The following PLEC variants were observed in gnomAD, a reference collection of about 807,000 sequenced individuals.
PLEC encodes the protein plectin, also known as hemidesmosomal protein 1.
Under a neutral mutation model 392.8 loss-of-function variants are expected in PLEC, and 216 were observed. The ratio of observed to expected loss-of-function variants is 0.55; its 90% CI spans 0.49 to 0.62. The LOEUF is 0.62. PLEC is among the 20% of genes least tolerant of loss of function. The pLI is 0.00. For synonymous variants in PLEC, 3,621 were observed against 2,980.6 expected (o/e 1.21, Z -7.00); for missense variants, 6,863 against 6,563.4 (o/e 1.05, Z -1.58).
upstream of PLEC, among the ~76,000 whole-genome samples, chr8:143,944,277 G>A (rs1286260433): frequency 6.6e-6 from 1 of 152,112 alleles, no homozygotes; most frequent in African/African-American, 2.4e-5. Flanking sequence ...CGCGGCCTCG[G>A]CACACACCCT....
At chr8:143,943,638 G>C, upstream of PLEC, 1 of 773,482 alleles carries the variant, frequency 1.3e-6, no homozygotes, top group Non-Finnish European at 2.2e-6. Context: ...CTACACTGCA[G>C]GGTGGGGTGG....
At chr8:143,963,496 G>T (rs1832955625) in intron 1 of PLEC, among the ~76,000 whole-genome samples, 1 of 152,194 alleles carries the variant, frequency 6.6e-6, no homozygotes, top group Non-Finnish European at 1.5e-5. Context: ...TTTGGGAATG[G>T]TGATGTCTAG....
Position 143,917,958 on chromosome 8 carries a change from T to C in PLEC, c.11863A>G (p.Lys3955Glu). The C allele has an allele frequency of 3.1e-6, 5 of 1,612,986 alleles. No individual in the cohort carries two copies. Among genetic ancestry groups the C allele is most frequent in the Non-Finnish European group, 4.2e-6 (5 of 1,180,000 alleles). The change falls in exon 32 of 32, where the codon AAG becomes GAG. Residue 3955 changes from lysine to glutamate, a missense_variant. Physicochemically the swap from Lys to Glu is moderately conservative, Grantham distance 56. Transcript: ENST00000345136. ...ERLSVYQAMK[K>E]GIIRPGTAFE... ...GCTGTGCCGGGGCGGATGATGCCCTTCTTCATGGCCTGGTACACCGAGAGC... is the reference window on the plus strand; with the variant it reads ...GCTGTGCCGGGGCGGATGATGCCCTCCTTCATGGCCTGGTACACCGAGAGC...
rs200972761 is a variant in PLEC, at chr8:143,919,289, C to T, written c.10532G>A (p.Gly3511Asp). The T allele has an allele frequency of 1.3e-4, 203 of 1,613,914 alleles. No homozygotes were observed. The highest frequency in any genetic ancestry group is 1.7e-4 in the Non-Finnish European group (195 of 1,180,046). The change falls in exon 32 of 32, where the codon GGC (glycine) becomes GAC (aspartate). Residue 3511 changes from glycine to aspartate, a missense_variant. By Grantham distance (94) the Gly-to-Asp change is moderately conservative. Coordinates refer to ENST00000345136, the MANE Select transcript of PLEC (RefSeq NM_201384.3). ...CTCATGCGTGTTGGGGTCAAAGAAGCCCTTGGTGTCGTCGCTGGGGTCCGC... is the reference window on the plus strand; with the variant it reads ...CTCATGCGTGTTGGGGTCAAAGAAGTCCTTGGTGTCGTCGCTGGGGTCCGC... ...VLADPSDDTK[G>D]FFDPNTHENL...
chr8:143,946,011 G>A (rs1054171068), intron 1 of PLEC, among the ~76,000 whole-genome samples: 3 of 152,240 alleles, frequency 2.0e-5, no homozygotes, highest in African/African-American at 2.4e-5. Context: ...GGCAGGGGCC[G>A]ACAGGCCGGA....
chr8:143,954,083 A>G (rs1328161345), upstream of PLEC, among the ~76,000 whole-genome samples: 1 of 150,314 alleles, frequency 6.7e-6, no homozygotes, highest in Non-Finnish European at 1.5e-5. This position sits in a 1 kb window ranked among gnomAD's most constrained non-coding sequence, Gnocchi z 4.6. Flanking sequence ...CCAGCTCCGC[A>G]GCCCCCGGCC....
At chr8:143,944,186 C>T (rs11786896), upstream of PLEC, among the ~76,000 whole-genome samples, 4,614 of 152,050 alleles carry the variant, frequency 0.03, 95 homozygotes, top group Non-Finnish European at 0.047. Flanking sequence ...TTGGCCTTAA[C>T]CCCTGCGTCC....
At position 143,921,469 on chromosome 8, in the gene PLEC, C is replaced by A. The variant is rs782100988; in HGVS notation, c.8352G>T (p.Gln2784His). The change falls in exon 32 of 32, where the codon CAG becomes CAT. Residue 2784 changes from glutamine (Q) to histidine (H), a missense_variant. Gln to His is a conservative substitution (Grantham distance 24, BLOSUM62 0). Coordinates refer to ENST00000345136, the MANE Select transcript of PLEC (RefSeq NM_201384.3). ...VTGYKDPYTG[Q>H]QISLFQAMQK... ...GCATGGCTTGGAAGAGAGAGATCTG[C>A]TGGCCAGTGTAGGGGTCCTTGTAGC... 1 of 1,613,248 alleles carries A rather than the reference C, an allele frequency of 6.2e-7. No homozygotes were observed.
At position 143,934,446 on chromosome 8, in the gene PLEC, C is replaced by T; in HGVS notation, c.1042-1G>A. 3 of 1,611,162 alleles carry T rather than the reference C, an allele frequency of 1.9e-6. No homozygotes were observed. The highest frequency in any genetic ancestry group is 2.5e-6 in the Non-Finnish European group (3 of 1,179,826). ...TGAGCTGGCCTGCTTGCACCGCTCC[C>T]TGTAGACAGGGGCCACACTCAGGCC... On this transcript the variant is annotated splice_acceptor_variant, in intron 10 of 31. Transcript: ENST00000345136. LOFTEE classifies it high-confidence loss of function.
Position 143,917,333 on chromosome 8 carries a change from A to G in PLEC, c.12488T>C (p.Ile4163Thr). The G allele has an allele frequency of 6.2e-7, 1 of 1,609,924 alleles. No homozygotes were observed. Among genetic ancestry groups the G allele is most frequent in the South Asian group, 1.1e-5 (1 of 91,060 alleles). Residue 4163 changes from isoleucine (I) to threonine (T), a missense_variant, in exon 32 of 32, where the codon ATT (isoleucine) becomes ACT (threonine). Ile to Thr is a moderately conservative substitution (Grantham distance 89, BLOSUM62 -1). Coordinates refer to ENST00000345136, the MANE Select transcript of PLEC (RefSeq NM_201384.3). ...CAGCTCCAGGTACGTCTGGTGGTCAATCAGGCCCTTGCGGTAGGCCTCGTA... is the reference window on the plus strand; with the variant it reads ...CAGCTCCAGGTACGTCTGGTGGTCAGTCAGGCCCTTGCGGTAGGCCTCGTA... ...SVYEAYRKGL[I>T]DHQTYLELSE...
Position 143,922,600 on chromosome 8 carries a change from A to G in PLEC, c.7329T>C (p.His2443=). ...TGGCCTCCCGCAGGCGCTCGGCATCATGGTCACTCTGCTGTCGCTGGATCT... is the reference window on the plus strand; with the variant it reads ...TGGCCTCCCGCAGGCGCTCGGCATCGTGGTCACTCTGCTGTCGCTGGATCT... ...TLEIQRQQSD[H]DAERLREAIA... is the part of the protein sequence containing the mutation. Residue 2443 remains histidine (H), a synonymous_variant, in exon 31 of 32, where the codon CAT becomes CAC. Transcript: ENST00000345136. The G allele has an allele frequency of 1.9e-6, 3 of 1,613,564 alleles. No homozygotes were observed. In the East Asian group the frequency reaches 6.7e-5, roughly 36 times the overall value.
intron 1 of PLEC, among the ~76,000 whole-genome samples, chr8:143,966,528 C>T (rs1182098050): frequency 1.3e-5 from 2 of 152,240 alleles, no homozygotes; most frequent in East Asian, 1.9e-4. Flanking sequence ...ACTCCTCAGC[C>T]GCTCCTTGGG....
In PLEC at chr8:143,919,618, G is replaced by A. The variant is rs201096903; in HGVS notation, c.10203C>T (p.Pro3401=). 523 of 1,584,724 alleles carry A rather than the reference G, an allele frequency of 3.3e-4. No individual in the cohort carries two copies. Among genetic ancestry groups the A allele is most frequent in the African/African-American group, 3.2e-3 (239 of 74,222 alleles). Residue 3401 remains proline (P), a synonymous_variant, in exon 32 of 32, where the codon CCC becomes CCT. Coordinates refer to ENST00000345136, the MANE Select transcript of PLEC (RefSeq NM_201384.3). ...AQAATGFLVD[P]VRNQRLYVHE... ...GGACATACAGGCGCTGGTTCCGCAC[G>A]GGGTCCACCAGGAAGCCAGTGGCCG...
At chr8:143,963,809 A>ATTTTTTTTTTTTTTTTTT (rs1190132489) in intron 1 of PLEC, among the ~76,000 whole-genome samples, 1 of 119,932 alleles carries the variant, frequency 8.3e-6, no homozygotes, top group African/African-American at 3.2e-5. Context: ...CACCTGGCTA[A>ATTTTTTTTTTTTTTTTTT]TTTTTTTTTT....
rs373585264 is a variant in PLEC at position 143,938,565 on chromosome 8, G to T, written c.174+66C>A. On this transcript the variant is annotated intron_variant, in intron 2 of 31. Transcript: ENST00000345136. ...ATGGGGACAGCCTTGGGCGGCAGGGGCCACCCTCCCTCAGCGCCTCCCACA... is the reference window on the plus strand; with the variant it reads ...ATGGGGACAGCCTTGGGCGGCAGGGTCCACCCTCCCTCAGCGCCTCCCACA... The T allele has an allele frequency of 2.0e-5, 31 of 1,572,132 alleles. No individual in the cohort carries two copies. In the East Asian group the frequency reaches 2.0e-4, roughly 10 times the overall value.
intron 20 of PLEC, 28 bp from the exon 21 acceptor site, chr8:143,930,326 T>A: frequency 6.3e-7 from 1 of 1,594,980 alleles, no homozygotes; most frequent in Non-Finnish European, 8.5e-7. Context: ...GGTGAGGACA[T>A]GGCCACACCC....
exon 1 of PLEC, chr8:143,950,375 C>T (rs961616219): frequency 5.7e-6 from 9 of 1,592,878 alleles, no homozygotes; most frequent in South Asian, 3.4e-5. Context: ...GGGGGTGCGG[C>T]GTGCGGGCAT....
At chr8:143,944,052 A>C, upstream of PLEC, 7 of 1,028,952 alleles carry the variant, frequency 6.8e-6, no homozygotes, top group Non-Finnish European at 9.7e-6. Context: ...CAGCCCCACA[A>C]CAGCTCCCGC....
chr8:143,918,965 A>G lies in PLEC; in HGVS notation c.10856T>C (p.Ile3619Thr). ...CTCAATGATCTCGATGATGATGATG[A>G]TCATGCGTTCCTTGGTCACCCGGCC... is the stretch of plus-strand genomic sequence containing the variant. Reference protein sequence around the residue: ...QAGRVTKERMIIIIIEIIEKT... With the variant: ...QAGRVTKERMTIIIIEIIEKT... Residue 3619 changes from isoleucine (I) to threonine (T), a missense_variant, in exon 32 of 32, where the codon ATC becomes ACC. Physicochemically the swap from Ile to Thr is moderately conservative, Grantham distance 89 (BLOSUM62 -1). Transcript: ENST00000345136. 1 of 1,610,812 alleles carries G rather than the reference A, an allele frequency of 6.2e-7. No individual in the cohort carries two copies. The highest frequency in any genetic ancestry group is 8.5e-7 in the Non-Finnish European group (1 of 1,180,002).
Sources: gnomAD v4.1 joint callset for allele counts (sites outside exome capture counted in the v4.1 genomes callset) on GRCh38, gnomAD v4.1.1 for gene constraint, Gnocchi (gnomAD v3.1) non-coding constraint, MANE v1.5 for transcripts, NCBI Gene and HGNC (gene_info 2026-07-23, HGNC 2026-07-21) for gene names.